Variants in ADAMTSL1 observed in about 807,000 individuals in gnomAD.
ADAMTSL1 encodes the protein ADAMTS-like protein 1.
Under a neutral mutation model 201.8 loss-of-function variants are expected in ADAMTSL1, and 126 were observed. The ratio of observed to expected loss-of-function variants is 0.62; its 90% CI spans 0.54 to 0.72. ADAMTSL1 has a LOEUF of 0.72. ADAMTSL1 is among the 30% of genes least tolerant of loss of function. ADAMTSL1 has a pLI of 0.00. For synonymous variants in ADAMTSL1, 1,121 were observed against 903.4 expected (o/e 1.24, Z -4.32); for missense variants, 2,679 against 2,277.8 (o/e 1.18, Z -3.59).
At chr9:18,775,683 T>TA in intron 17 of ADAMTSL1, 60 bp from the exon 18 acceptor site, 8 of 1,572,788 alleles carry the variant, frequency 5.1e-6, no homozygotes, top group Non-Finnish European at 6.9e-6. Context: ...GACAGTCTAT[T>TA]AAAAAATTAG....
intron 9 of ADAMTSL1, 21 bp downstream of exon 9, chr9:18,662,094 C>A: frequency 1.2e-6 from 2 of 1,607,200 alleles, no homozygotes. Flanking sequence ...TTTGCTAGTT[C>A]ATTTGTCATA....
At chr9:18,633,521 G>A (rs577287885) in intron 5 of ADAMTSL1, among the ~76,000 whole-genome samples, 1 of 152,076 alleles carries the variant, frequency 6.6e-6, no homozygotes, top group East Asian at 1.9e-4. Context: ...CCCAGGGGGC[G>A]GAGGTTGCAG....
chr9:18,224,801 G>C lies in ADAMTSL1; in HGVS notation c.207+60820G>C, dbSNP rs571925186. On this transcript the variant is annotated intron_variant, in intron 2 of 29. Coordinates refer to the ADAMTSL1 transcript ENST00000680146. ...AGTACTCCTATTGAATAGTGATATA[G>C]CTGGGATTATACTATACTGACAGTC... is the stretch of plus-strand genomic sequence containing the variant. Among the ~76,000 whole-genome samples, 3 of 152,200 alleles carry C rather than the reference G, an allele frequency of 2.0e-5. No individual in the cohort carries two copies. The East Asian group carries it at 5.8e-4, about 29-fold the overall frequency.
At chr9:18,044,298 A>T (rs1224855898) in intron 1 of ADAMTSL1, among the ~76,000 whole-genome samples, 2 of 151,946 alleles carry the variant, frequency 1.3e-5, no homozygotes, top group Non-Finnish European at 2.9e-5. Flanking sequence ...CCTGAAGAGA[A>T]AATTAGGACT....
chr9:18,175,020 G>A (rs973044814), intron 2 of ADAMTSL1, among the ~76,000 whole-genome samples: 5 of 152,146 alleles, frequency 3.3e-5, no homozygotes, highest in Non-Finnish European at 7.4e-5. Context: ...CTTTTGCTAA[G>A]AGAAAATATC....
At position 18,887,932 on chromosome 9, in the gene ADAMTSL1, G is replaced by A. The variant is rs749354331; in HGVS notation, c.4351G>A (p.Gly1451Arg). 9 of 1,613,914 alleles carry A rather than the reference G, an allele frequency of 5.6e-6. No individual in the cohort carries two copies. Among genetic ancestry groups the A allele is most frequent in the Non-Finnish European group, 7.6e-6 (9 of 1,179,870 alleles). ...TGLTHHILAA[G>R]QILQVANLSG... ...ACTGACGCATCACATCTTGGCAGCT[G>A]GACAGATCCTTCAAGTTGCAAACCT... is the stretch of plus-strand genomic sequence containing the variant. The change falls in exon 24 of 29, where the codon GGA becomes AGA. Residue 1451 changes from glycine to arginine, a missense_variant. Physicochemically the swap from Gly to Arg is moderately radical, Grantham distance 125. Coordinates refer to ENST00000380548, the MANE Select transcript of ADAMTSL1 (RefSeq NM_001040272.6).
chr9:18,457,989 G>A (rs544181197), intron 2 of ADAMTSL1, among the ~76,000 whole-genome samples: 26 of 152,334 alleles, frequency 1.7e-4, no homozygotes, highest in African/African-American at 6.0e-4. Context: ...TTAGATGGAA[G>A]AGATTGAGGT....
At chr9:18,269,499 G>A (rs1282348454) in intron 2 of ADAMTSL1, among the ~76,000 whole-genome samples, 1 of 152,020 alleles carries the variant, frequency 6.6e-6, no homozygotes, top group Non-Finnish European at 1.5e-5. Context: ...AAATACCAAA[G>A]GAGAAATATA....
At chr9:18,589,084 C>G (rs1287978779) in intron 4 of ADAMTSL1, among the ~76,000 whole-genome samples, 1 of 151,630 alleles carries the variant, frequency 6.6e-6, no homozygotes, top group Non-Finnish European at 1.5e-5. Context: ...GCCATGTTGG[C>G]CAGGCTGGCC....
chr9:18,816,671 A>T (rs1025653401), intron 20 of ADAMTSL1, among the ~76,000 whole-genome samples: 5 of 146,604 alleles, frequency 3.4e-5, no homozygotes, highest in Admixed American at 3.4e-4. Flanking sequence ...TGCATAAATC[A>T]TCTCAATTTG....
intron 2 of ADAMTSL1, among the ~76,000 whole-genome samples, chr9:18,255,355 G>GA (rs5896780): frequency 0.16 from 23,388 of 145,418 alleles, 2,000 homozygotes; most frequent in Non-Finnish European, 0.2. Context: ...CTCATACTTA[G>GA]AAAAAAAAAA....
At chr9:18,526,789 A>T (rs80331437) in intron 2 of ADAMTSL1, among the ~76,000 whole-genome samples, 1,846 of 152,272 alleles carry the variant, frequency 0.012, 19 homozygotes, top group South Asian at 0.032. Flanking sequence ...ATTTGATGTG[A>T]CAGGAGAAAC....
chr9:18,198,217 A>T (rs1183958018), intron 2 of ADAMTSL1, among the ~76,000 whole-genome samples: 3 of 151,672 alleles, frequency 2.0e-5, no homozygotes, highest in African/African-American at 4.8e-5. Flanking sequence ...TCATGTCTAA[A>T]ACACCAAAAG....
chr9:18,221,454 A>C (rs1830257600), intron 2 of ADAMTSL1, among the ~76,000 whole-genome samples: 1 of 151,970 alleles, frequency 6.6e-6, no homozygotes, highest in Admixed American at 6.5e-5. Context: ...TTTATCCTTC[A>C]CATCTTTTAG....
At chr9:17,942,102 A>G (rs903258290) in intron 1 of ADAMTSL1, among the ~76,000 whole-genome samples, 1 of 152,158 alleles carries the variant, frequency 6.6e-6, no homozygotes, top group Non-Finnish European at 1.5e-5. Context: ...GGTATATAAT[A>G]GGCAAATTCG....
chr9:18,169,096 G>T lies in ADAMTSL1; in HGVS notation c.207+5115G>T, dbSNP rs559465805. On this transcript the variant is annotated intron_variant, in intron 2 of 29. Transcript: ENST00000680146. ...AGGTTGCCTGTTCACTCTGATGGTA[G>T]TTTGTTTTGCTGTGCAGAAGCTCTT... is the stretch of plus-strand genomic sequence containing the variant. Among the ~76,000 whole-genome samples the T allele has an allele frequency of 6.0e-3, 722 of 121,242 alleles. 7 individuals are homozygous for T. Among genetic ancestry groups the T allele is most frequent in the African/African-American group, 0.02 (697 of 34,394 alleles). The allele number at this position is 121,242 out of a possible 152,430, so 79.5% of individuals were successfully genotyped here. A position where few individuals can be genotyped will look rare whatever the true frequency, so the allele number is the denominator to read the frequency against.
At chr9:17,998,164 T>G (rs1819460345) in intron 1 of ADAMTSL1, among the ~76,000 whole-genome samples, 1 of 152,012 alleles carries the variant, frequency 6.6e-6, no homozygotes, top group South Asian at 2.1e-4. Flanking sequence ...CAGACATGTG[T>G]TAAAAGAATA....
At chr9:18,623,786 C>T (rs573424318) in intron 5 of ADAMTSL1, among the ~76,000 whole-genome samples, 91 of 152,320 alleles carry the variant, frequency 6.0e-4, no homozygotes, top group Non-Finnish European at 1.1e-3. Context: ...GATTTTGCTA[C>T]TATGCAGAAT....
chr9:18,627,016 C>A (rs1358657323), intron 5 of ADAMTSL1, among the ~76,000 whole-genome samples: 2 of 150,512 alleles, frequency 1.3e-5, no homozygotes, highest in Non-Finnish European at 2.9e-5. Flanking sequence ...CACTCTGTCA[C>A]TGAGGCTTCA....
Sources: allele counts gnomAD v4.1 joint callset (sites outside exome capture counted in the v4.1 genomes callset), GRCh38; gene constraint gnomAD v4.1.1; transcripts MANE v1.5; gene names NCBI Gene and HGNC (gene_info 2026-07-23, HGNC 2026-07-21).